The following RTN1 variants were observed in gnomAD, a reference collection of about 807,000 sequenced individuals.
The protein encoded by RTN1 is reticulon 1.
RTN1 carries 25 observed loss-of-function variants against 65.5 expected under a neutral mutation model. The ratio of observed to expected loss-of-function variants is 0.38; its 90% CI spans 0.28 to 0.53. The LOEUF (loss-of-function observed/expected upper bound fraction) is 0.53. RTN1 is among the 20% of genes least tolerant of loss of function. RTN1 has a pLI of 0.79. For missense variants in RTN1, 983 were observed against 1,025.4 expected, an observed-to-expected ratio of 0.96 and a Z score of 0.57; for synonymous variants, 471 against 447.6, an observed-to-expected ratio of 1.05 and a Z score of -0.66.
chr14:59,768,640 G>C (rs1045212766), intron 1 of RTN1, among the ~76,000 whole-genome samples: 1 of 152,064 alleles, frequency 6.6e-6, no homozygotes, highest in Non-Finnish European at 1.5e-5. Context: ...GCTTAGCCCT[G>C]GGATAACCTT....
chr14:59,843,665 TGCATTTGTGAAAGA>T (rs887418480), intron 1 of RTN1, among the ~76,000 whole-genome samples: 1 of 152,154 alleles, frequency 6.6e-6, no homozygotes. Context: ...ATTTGAAAAG[TGCATTTGTGAAAGA>T]GTGGGAGAAA....
At chr14:59,857,525 C>G (rs1887629648) in intron 1 of RTN1, among the ~76,000 whole-genome samples, 1 of 152,150 alleles carries the variant, frequency 6.6e-6, no homozygotes, top group Non-Finnish European at 1.5e-5. Context: ...TATTCCTCCC[C>G]TCGTCCCCAG....
intron 3 of RTN1, among the ~76,000 whole-genome samples, chr14:59,645,348 T>A (rs984749562): frequency 6.6e-6 from 1 of 152,044 alleles, no homozygotes; most frequent in Non-Finnish European, 1.5e-5. Flanking sequence ...AGCAGCCCAA[T>A]GGAAAAGTGG....
intron 3 of RTN1, among the ~76,000 whole-genome samples, chr14:59,668,635 A>G (rs1306705827): frequency 1.3e-5 from 2 of 152,168 alleles, no homozygotes; most frequent in Non-Finnish European, 2.9e-5. Flanking sequence ...CTTCTGCACG[A>G]CAAAAGAAAC....
intron 3 of RTN1, among the ~76,000 whole-genome samples, chr14:59,692,646 G>T (rs1342712566): frequency 6.6e-6 from 1 of 151,974 alleles, no homozygotes; most frequent in Non-Finnish European, 1.5e-5. Flanking sequence ...GCATTATATT[G>T]CCCAACTTCA....
chr14:59,647,472 TC>T (rs1882924534), intron 3 of RTN1, among the ~76,000 whole-genome samples: 1 of 152,160 alleles, frequency 6.6e-6, no homozygotes, highest in Non-Finnish European at 1.5e-5. Context: ...CACAGAACTC[TC>T]CACCCCAAAA....
Position 59,605,352 on chromosome 14 carries a change from G to T in RTN1, c.2112+16C>A, listed in dbSNP as rs375289920. 3 of 1,612,276 alleles carry T rather than the reference G, an allele frequency of 1.9e-6. No homozygotes were observed. In the African/African-American group the frequency reaches 4.0e-5, roughly 22 times the overall value. ...AACAGTCAAGACTGTGAAGTGAACA[G>T]CTTAAGCAACTATACTTTTAAGGAA... On this transcript the variant is annotated intron_variant, in intron 5 of 8. Transcript: ENST00000267484.
At chr14:59,704,088 T>C (rs1203788056) in intron 3 of RTN1, among the ~76,000 whole-genome samples, 4 of 152,152 alleles carry the variant, frequency 2.6e-5, no homozygotes, top group Non-Finnish European at 5.9e-5. Flanking sequence ...TGTTTTCTCT[T>C]CCCCTTTTAA....
At chr14:59,602,287 T>C (rs2140158887) in intron 8 of RTN1, among the ~76,000 whole-genome samples, 1 of 152,316 alleles carries the variant, frequency 6.6e-6, no homozygotes, top group East Asian at 1.9e-4. Context: ...AAAAGTCTAG[T>C]CCTTTGGTGA....
intron 1 of RTN1, among the ~76,000 whole-genome samples, chr14:59,826,191 T>G (rs1300830107): frequency 6.6e-6 from 1 of 152,164 alleles, no homozygotes; most frequent in African/African-American, 2.4e-5. Flanking sequence ...ATGATCTCAG[T>G]ACTTTTCAGC....
intron 1 of RTN1, among the ~76,000 whole-genome samples, chr14:59,795,797 TAA>T (rs1204832146): frequency 2.0e-5 from 3 of 152,192 alleles, no homozygotes; most frequent in Non-Finnish European, 2.9e-5. Context: ...TGTTGCTGAT[TAA>T]TGTCACAGAA....
intron 1 of RTN1, among the ~76,000 whole-genome samples, chr14:59,802,088 G>A (rs541298771): frequency 2.0e-4 from 30 of 152,296 alleles, no homozygotes; most frequent in African/African-American, 6.7e-4. Context: ...AGGTTTTGAA[G>A]CAACTGGTAG....
intron 2 of RTN1, among the ~76,000 whole-genome samples, chr14:59,728,235 A>G (rs1041654501): frequency 2.7e-5 from 4 of 149,752 alleles, no homozygotes; most frequent in Non-Finnish European, 4.4e-5. Flanking sequence ...TATATTTCCA[A>G]TAAGAATCAG....
intron 1 of RTN1, among the ~76,000 whole-genome samples, chr14:59,762,869 G>T (rs1366417648): frequency 1.3e-5 from 2 of 152,282 alleles, no homozygotes; most frequent in East Asian, 3.9e-4. Context: ...ATTAACATTA[G>T]CTACTATTTT....
intron 3 of RTN1, among the ~76,000 whole-genome samples, chr14:59,691,235 A>T (rs1377828928): frequency 1.3e-5 from 2 of 152,214 alleles, no homozygotes; most frequent in Non-Finnish European, 2.9e-5. Context: ...AAGCACAATC[A>T]GTAGCAAAAA....
chr14:59,781,922 T>C (rs1332287143), intron 1 of RTN1, among the ~76,000 whole-genome samples: 1 of 152,154 alleles, frequency 6.6e-6, no homozygotes, highest in East Asian at 1.9e-4. Context: ...ACCTGTATGT[T>C]TGTGTGTCCC....
chr14:59,636,101 A>G (rs1882659610), intron 3 of RTN1, among the ~76,000 whole-genome samples: 1 of 152,220 alleles, frequency 6.6e-6, no homozygotes, highest in African/African-American at 2.4e-5. Flanking sequence ...AAATCTAAAT[A>G]CATAGTTGAA....
chr14:59,705,568 T>C (rs1225589548), intron 3 of RTN1, among the ~76,000 whole-genome samples: 2 of 152,218 alleles, frequency 1.3e-5, no homozygotes, highest in Non-Finnish European at 2.9e-5. Context: ...GTAAGAAGGC[T>C]AAGAGTCATT....
At chr14:59,780,396 A>G (rs1238528060) in intron 1 of RTN1, among the ~76,000 whole-genome samples, 1 of 152,222 alleles carries the variant, frequency 6.6e-6, no homozygotes, top group African/African-American at 2.4e-5. Flanking sequence ...AAAACTTAAT[A>G]TCATCTTGGA....
Sources: allele counts gnomAD v4.1 joint callset (sites outside exome capture counted in the v4.1 genomes callset), GRCh38; gene constraint gnomAD v4.1.1; transcripts MANE v1.5; gene names NCBI Gene and HGNC (gene_info 2026-07-23, HGNC 2026-07-21).